Variants in ATP10B observed in about 807,000 individuals in gnomAD.
The protein encoded by ATP10B is ATPase phospholipid transporting 10B (putative).
A neutral mutation model predicts 141.2 loss-of-function variants in ATP10B; 122 were observed. That is an observed-to-expected ratio of 0.86 (90% CI 0.75 to 1.00). ATP10B has a LOEUF of 1.00. Among genes scored for constraint, ATP10B ranks in the 50% least tolerant of loss-of-function variants. The probability of loss-of-function intolerance (pLI) is 0.00; values close to 1 mark genes in which losing one functional copy is unlikely to be tolerated. For missense variants in ATP10B, 1,876 were observed against 1,825.3 expected, an observed-to-expected ratio of 1.03 and a Z score of -0.51; for synonymous variants, 685 against 692.0, an observed-to-expected ratio of 0.99 and a Z score of 0.16.
the ATP10B span, among the ~76,000 whole-genome samples, chr5:160,908,635 T>C: frequency 6.6e-6 from 1 of 152,178 alleles, no homozygotes; most frequent in Non-Finnish European, 1.5e-5. Context: ...TCACTTACTC[T>C]GCCCTCAGCA....
chr5:160,615,985 C>T, intron 16 of ATP10B, 21 bp from the exon 17 acceptor site: 5 of 1,605,328 alleles, frequency 3.1e-6, no homozygotes, highest in South Asian at 1.1e-5. Context: ...GGAAAAGGCT[C>T]CTTAACAATC....
At chr5:160,652,911 A>AATTATATAATATATAATATAT (rs1760930596) in intron 7 of ATP10B, among the ~76,000 whole-genome samples, 1 of 68,294 alleles carries the variant, frequency 1.5e-5, no homozygotes, top group African/African-American at 7.8e-5. Context: ...TTATATATAC[A>AATTATATAATATATAATATAT]TGTATATATA....
the ATP10B span, among the ~76,000 whole-genome samples, chr5:160,880,392 A>G: frequency 6.6e-6 from 1 of 152,020 alleles, no homozygotes; most frequent in Non-Finnish European, 1.5e-5. Flanking sequence ...TATAGGTTCA[A>G]TACAATCCCA....
the ATP10B span, among the ~76,000 whole-genome samples, chr5:160,904,235 T>A: frequency 6.6e-6 from 1 of 152,198 alleles, no homozygotes; most frequent in Admixed American, 6.5e-5. Flanking sequence ...GTTGATAGTA[T>A]AAAGTCTCAG....
At chr5:160,568,336 T>C (rs1169911312) in intron 25 of ATP10B, among the ~76,000 whole-genome samples, 6 of 152,064 alleles carry the variant, frequency 3.9e-5, no homozygotes, top group Admixed American at 6.6e-5. Flanking sequence ...GAAGAGAACC[T>C]AGGGGCAAGA....
intron 2 of ATP10B, among the ~76,000 whole-genome samples, chr5:160,752,620 AG>A (rs1768236698): frequency 6.6e-6 from 1 of 152,184 alleles, no homozygotes; most frequent in African/African-American, 2.4e-5. Context: ...TTGGGTAGAA[AG>A]AAGGATTTTT....
rs143337119 is a variant in ATP10B at position 160,646,177 on chromosome 5, C to T, written c.762-1933G>A. On this transcript the variant is annotated intron_variant, in intron 8 of 25. Coordinates refer to ENST00000327245, the MANE Select transcript of ATP10B (RefSeq NM_025153.3). Reference sequence around the variant, plus strand: ...AAGACCAGGGAATCTAGGTCACAGACACCCACCCTACTGAGATTTTCACTA... The same window carrying T: ...AAGACCAGGGAATCTAGGTCACAGATACCCACCCTACTGAGATTTTCACTA... Among the ~76,000 whole-genome samples, 168 of 152,280 alleles carry T rather than the reference C, an allele frequency of 1.1e-3. 4 individuals carry two copies. In the East Asian group the frequency reaches 0.03, roughly 27 times the overall value.
At chr5:160,690,510 G>GA (rs1764014206) in intron 3 of ATP10B, among the ~76,000 whole-genome samples, 2 of 151,994 alleles carry the variant, frequency 1.3e-5, no homozygotes, top group South Asian at 4.2e-4. Context: ...AAATTTCCAA[G>GA]AAAAAACCAA....
At chr5:160,764,926 C>A (rs11953874) in intron 2 of ATP10B, among the ~76,000 whole-genome samples, 39,885 of 151,718 alleles carry the variant, frequency 0.26, 6,336 homozygotes, top group African/African-American at 0.42. Flanking sequence ...AGTGACTGAC[C>A]TGAGAATTAA....
rs200631575 is a variant in ATP10B at position 160,575,689 on chromosome 5, A to AATGGATT, written c.3751-6013_3751-6007dup. Among the ~76,000 whole-genome samples the AATGGATT allele has an allele frequency of 4.7e-4, 72 of 152,290 alleles. 1 individual carries two copies. In the East Asian group the frequency reaches 0.013, roughly 27 times the overall value. Reference sequence around the variant, plus strand: ...TCTTTTTTTCTTCTAAAAAGAAAACAATGGATTAAACAAATAAAAAAAAAC... The same window carrying AATGGATT: ...TCTTTTTTTCTTCTAAAAAGAAAACAATGGATTATGGATTAAACAAATAAAAAAAAAC... On this transcript the variant is annotated intron_variant, in intron 24 of 25. Transcript: ENST00000327245.
chr5:160,655,713 TCA>T (rs1280132061), intron 7 of ATP10B, among the ~76,000 whole-genome samples: 1 of 152,162 alleles, frequency 6.6e-6, no homozygotes, highest in Non-Finnish European at 1.5e-5. Context: ...AAAAATGTAG[TCA>T]CAGTCCTAGA....
chr5:160,676,332 C>A (rs1755482157), intron 6 of ATP10B, among the ~76,000 whole-genome samples: 1 of 152,154 alleles, frequency 6.6e-6, no homozygotes, highest in South Asian at 2.1e-4. Context: ...GATTCTTCAG[C>A]CTGGGGGTAT....
At chr5:160,859,290 G>T in the ATP10B span, among the ~76,000 whole-genome samples, 9 of 151,404 alleles carry the variant, frequency 5.9e-5, no homozygotes, top group African/African-American at 1.9e-4. Context: ...CTTCCTTCTG[G>T]CCCCCATGAT....
rs183135896 is a variant in ATP10B, at chr5:160,671,097, G to A, written c.471-430C>T. On this transcript the variant is annotated intron_variant, in intron 6 of 25. Transcript: ENST00000327245. ...GGAGAAACGCTTGAACCTGGGAGGC[G>A]GAGGTTGCAGTGAGCCGAGATTGCG... 5.0e-4 allele frequency among the ~76,000 whole-genome samples: 75 copies of A among 149,630 alleles called. No homozygotes were observed. The East Asian group carries it at 0.013, about 26-fold the overall frequency.
chr5:160,833,646 T>A lies in ATP10B; in HGVS notation c.-576+18295A>T, dbSNP rs574581824. On this transcript the variant is annotated intron_variant, in intron 1 of 25. Transcript: ENST00000327245. ...GACGTTAGAATTAGAAGACAAATATTATAAAATAACTATGATTACAATATG... is the reference window on the plus strand; with the variant it reads ...GACGTTAGAATTAGAAGACAAATATAATAAAATAACTATGATTACAATATG... Among the ~76,000 whole-genome samples, 65 of 152,220 alleles carry A rather than the reference T, an allele frequency of 4.3e-4. 1 individual carries two copies. The highest frequency in any genetic ancestry group is 2.5e-3 in the South Asian group (12 of 4,830).
chr5:160,804,371 G>C (rs1772625179), intron 1 of ATP10B, among the ~76,000 whole-genome samples: 2 of 152,128 alleles, frequency 1.3e-5, no homozygotes, highest in Admixed American at 1.3e-4. Flanking sequence ...TCTACTTCTG[G>C]GGTGGAATAT....
chr5:160,580,250 A>AG (rs2127600866), intron 24 of ATP10B, among the ~76,000 whole-genome samples: 1 of 152,302 alleles, frequency 6.6e-6, no homozygotes, highest in African/African-American at 2.4e-5. Context: ...TCGGTTTTCA[A>AG]GGGGAATGTT....
chr5:160,822,302 A>C (rs1185771579), intron 1 of ATP10B, among the ~76,000 whole-genome samples: 9 of 152,168 alleles, frequency 5.9e-5, no homozygotes, highest in Admixed American at 5.2e-4. Flanking sequence ...GCAACTAAAA[A>C]ATACAGTGAG....
chr5:160,710,306 A>C (rs1765312372), intron 3 of ATP10B, among the ~76,000 whole-genome samples: 1 of 45,502 alleles, frequency 2.2e-5, no homozygotes, highest in African/African-American at 9.0e-5. Flanking sequence ...TGCCATTCTA[A>C]CTGGTGTGAG....
Sources: allele counts gnomAD v4.1 joint callset (sites outside exome capture counted in the v4.1 genomes callset), GRCh38; gene constraint gnomAD v4.1.1; transcripts MANE v1.5; gene names NCBI Gene and HGNC (gene_info 2026-07-23, HGNC 2026-07-21).